The following KDM8 variants were observed in gnomAD, a reference collection of about 807,000 sequenced individuals.
KDM8 encodes lysine demethylase 8.
A neutral mutation model predicts 46.9 loss-of-function variants in KDM8; 35 were observed. The observed-to-expected ratio is 0.75, with a 90% confidence interval of 0.57 to 0.99. The LOEUF (loss-of-function observed/expected upper bound fraction) is 0.99. Among genes scored for constraint, KDM8 ranks in the 50% least tolerant of loss-of-function variants. The pLI, the probability that KDM8 is intolerant of heterozygous loss-of-function variation, is 0.00. For missense variants in KDM8, 475 were observed against 537.0 expected (o/e 0.88, Z 1.14); for synonymous variants, 232 against 227.7 (o/e 1.02, Z -0.17).
rs877584 is a variant in KDM8 at position 27,203,941 on chromosome 16, T to G, written c.-32+305T>G. ...CCCTTACGGCGGGCTGCTGTGCGCT[T>G]TAGCGGTTCTTGGCGTCGCGTTGGT... On this transcript the variant is annotated intron_variant, in intron 1 of 7. Coordinates refer to ENST00000286096, the MANE Select transcript of KDM8 (RefSeq NM_024773.3). 3.5e-3 allele frequency: 2,037 copies of G among 584,098 alleles called. 33 individuals carry two copies. Among genetic ancestry groups the G allele is most frequent in the African/African-American group, 0.034 (1,730 of 50,742 alleles). 36.2% of individuals were successfully genotyped at this position (584,098 alleles called of 1,614,324 possible). A position where few individuals can be genotyped will look rare whatever the true frequency, so the allele number is the denominator to read the frequency against.
At chr16:27,206,279 T>C (rs2083427537) in intron 1 of KDM8, 1 of 929,592 alleles carries the variant, frequency 1.1e-6, no homozygotes, top group South Asian at 5.0e-5. Flanking sequence ...GTGCTTTTTT[T>C]TTTTTTCGGG....
chr16:27,221,039 CGGGT>C lies in KDM8; in HGVS notation c.*314_*317del. 1 of 421,698 alleles carries C rather than the reference CGGGT, an allele frequency of 2.4e-6. No individual in the cohort carries two copies. The highest frequency in any genetic ancestry group is 4.5e-6 in the Non-Finnish European group (1 of 223,556). 26.1% of individuals were successfully genotyped at this position (421,698 alleles called of 1,614,324 possible). On this transcript the variant is annotated 3_prime_UTR_variant, in exon 8 of 8. Transcript: ENST00000286096. ...CAGAAAGCCGAATGTTTTTGGGAAA[CGGGT>C]GGGTCACACAGGCAGGGGTGAAACA...
Position 27,210,093 on chromosome 16 carries a change from G to T in KDM8, c.-31G>T. The T allele has an allele frequency of 6.3e-7, 1 of 1,596,942 alleles. No homozygotes were observed. Among genetic ancestry groups the T allele is most frequent in the Non-Finnish European group, 8.5e-7 (1 of 1,171,228 alleles). On this transcript the variant is annotated splice_region_variant and 5_prime_UTR_variant, in exon 2 of 8. Coordinates refer to ENST00000286096, the MANE Select transcript of KDM8 (RefSeq NM_024773.3). ...CTCTTGTTTCTCTCCACCTCCCCAG[G>T]CACGGGACTGAACCAGCTGGTGGTG...
rs2083407218 is a variant in KDM8 at position 27,204,328 on chromosome 16, AG to A, written c.-32+694del. 5.1e-6 allele frequency: 7 copies of A among 1,365,492 alleles called. No homozygotes were observed. In the South Asian group the frequency reaches 1.2e-4, roughly 23 times the overall value. 84.6% of individuals were successfully genotyped at this position (1,365,492 alleles called of 1,614,324 possible). On this transcript the variant is annotated intron_variant, in intron 1 of 7. Transcript: ENST00000286096. ...ACTCGGGAGCAAGCCCGGGGACAGG[AG>A]GTGCGCAGGCGTTGGGGCCACACGG...
chr16:27,220,669 A>T lies in KDM8; in HGVS notation c.1190A>T (p.Lys397Ile), dbSNP rs754392071. 37 of 1,613,908 alleles carry T rather than the reference A, an allele frequency of 2.3e-5. No homozygotes were observed. The African/African-American group carries it at 3.3e-4, about 15-fold the overall frequency. ...GGAGAGATCCTGTTCATCCCGGTGA[A>T]ATACTGGCATTACGTGCGGGCTCTG... ...SPGEILFIPVKYWHYVRALDL... is the reference protein window; with the variant it reads ...SPGEILFIPVIYWHYVRALDL... Residue 397 changes from lysine (K) to isoleucine (I), a missense_variant, in exon 8 of 8, where the codon AAA (lysine) becomes ATA (isoleucine). Physicochemically the swap from Lys to Ile is moderately radical, Grantham distance 102. Transcript: ENST00000286096.
At position 27,213,714 on chromosome 16, in the gene KDM8, G is replaced by A; in HGVS notation, c.628G>A (p.Gly210Ser). The stretch of plus-strand genomic sequence containing the variant: ...TCCAGGGAGGCCCGTGATCCTGAAA[G>A]GCGTGGCTGACCACTGGCCGTGCAT... ...LVPGRPVILK[G>S]VADHWPCMQK... The change falls in exon 3 of 8, where the codon GGC (glycine) becomes AGC (serine). Residue 210 changes from glycine to serine, a missense_variant. Transcript: ENST00000286096. 1 of 1,614,184 alleles carries A rather than the reference G, an allele frequency of 6.2e-7. No individual in the cohort carries two copies. Among genetic ancestry groups the A allele is most frequent in the Non-Finnish European group, 8.5e-7 (1 of 1,180,024 alleles).
intron 1 of KDM8, among the ~76,000 whole-genome samples, chr16:27,204,958 GGAGGTTGCAGT>G (rs1207211064): frequency 2.6e-5 from 4 of 152,268 alleles, no homozygotes; most frequent in South Asian, 4.1e-4. Context: ...CCTGGGAAGC[GGAGGTTGCAGT>G]GAGCCAAGAT....
intron 1 of KDM8, among the ~76,000 whole-genome samples, chr16:27,208,208 T>G (rs986757859): frequency 6.6e-6 from 1 of 152,336 alleles, no homozygotes; most frequent in South Asian, 2.1e-4. Context: ...AAGGCCGATT[T>G]GCAAAGTAGC....
At chr16:27,215,032 C>T (rs1460129288) in intron 4 of KDM8, 24 bp downstream of exon 4, 1 of 1,613,012 alleles carries the variant, frequency 6.2e-7, no homozygotes, top group Admixed American at 1.7e-5. Context: ...ACTGCTTTCC[C>T]CTAGTACTTG....
chr16:27,215,864 G>C, intron 4 of KDM8, 81 bp from the exon 5 acceptor site: 1 of 1,439,634 alleles, frequency 6.9e-7, no homozygotes, highest in Admixed American at 1.7e-5. Flanking sequence ...GCTGGGGCCA[G>C]CTGGACAGCA....
intron 6 of KDM8, 154 bp from the exon 7 acceptor site, chr16:27,220,237 AAG>A (rs2083602472): frequency 1.4e-6 from 1 of 699,986 alleles, no homozygotes; most frequent in Non-Finnish European, 2.5e-6. Context: ...ATAAAAAAGA[AAG>A]AAAAACATAC....
chr16:27,215,149 C>A, intron 4 of KDM8, 141 bp downstream of exon 4: 2 of 921,578 alleles, frequency 2.2e-6, no homozygotes, highest in Non-Finnish European at 3.3e-6. Flanking sequence ...ACGACCGCAG[C>A]GAGGAAGGCA....
At chr16:27,205,804 C>T (rs1198970814) in intron 1 of KDM8, among the ~76,000 whole-genome samples, 1 of 152,182 alleles carries the variant, frequency 6.6e-6, no homozygotes, top group Non-Finnish European at 1.5e-5. Flanking sequence ...CACCATTGCA[C>T]TCCAGCCTGA....
intron 1 of KDM8, among the ~76,000 whole-genome samples, chr16:27,206,734 T>C (rs1019299094): frequency 4.6e-5 from 7 of 152,216 alleles, no homozygotes; most frequent in Admixed American, 4.6e-4. Context: ...GCCAGAAGGC[T>C]GATGAGCCTG....
chr16:27,221,029 T>C lies in KDM8; in HGVS notation c.*299T>C. On this transcript the variant is annotated 3_prime_UTR_variant, in exon 8 of 8. Transcript: ENST00000286096. ...ACTCTGGCATCAGAAAGCCGAATGT[T>C]TTTGGGAAACGGGTGGGTCACACAG... 2.3e-6 allele frequency: 1 copy of C among 444,268 alleles called. No homozygotes were observed. Among genetic ancestry groups the C allele is most frequent in the African/African-American group, 2.0e-5 (1 of 50,000 alleles). The allele number at this position is 444,268 out of a possible 1,614,324, so 27.5% of individuals were successfully genotyped here.
Position 27,210,311 on chromosome 16 carries a change from A to G in KDM8, c.188A>G (p.Glu63Gly). The G allele has an allele frequency of 6.2e-7, 1 of 1,613,302 alleles. No individual in the cohort carries two copies. Among genetic ancestry groups the G allele is most frequent in the East Asian group, 2.2e-5 (1 of 44,886 alleles). ...TELFYEGRRD[E>G]CLQSSEVILD... ...CTCTTCTACGAGGGCAGGAGGGACG[A>G]GTGTCTGCAGAGCAGCGAGGTGATC... Residue 63 changes from glutamate to glycine, a missense_variant, in exon 2 of 8, where the codon GAG becomes GGG. By Grantham distance (98) the Glu-to-Gly change is moderately conservative. Coordinates refer to ENST00000286096, the MANE Select transcript of KDM8 (RefSeq NM_024773.3).
intron 5 of KDM8, 90 bp from the exon 6 acceptor site, chr16:27,218,871 T>C: frequency 3.6e-6 from 5 of 1,378,212 alleles, no homozygotes; most frequent in South Asian, 1.2e-5. Flanking sequence ...ATAATGGATA[T>C]AGGTATGTGT....
chr16:27,218,376 A>G (rs931019838), intron 5 of KDM8, among the ~76,000 whole-genome samples: 2 of 151,946 alleles, frequency 1.3e-5, no homozygotes, highest in African/African-American at 4.8e-5. Context: ...GTGGCATATA[A>G]CTCTGTCAGA....
chr16:27,212,656 C>T (rs1201600832), intron 2 of KDM8, among the ~76,000 whole-genome samples: 1 of 152,170 alleles, frequency 6.6e-6, no homozygotes, highest in Non-Finnish European at 1.5e-5. Context: ...ATTGTTTGAA[C>T]CCGTGAGGCA....
Sources: allele counts gnomAD v4.1 joint callset (sites outside exome capture counted in the v4.1 genomes callset), GRCh38; gene constraint gnomAD v4.1.1; transcripts MANE v1.5; gene names NCBI Gene and HGNC (gene_info 2026-07-23, HGNC 2026-07-21).